The following HERC3 variants were observed in gnomAD, a reference collection of about 807,000 sequenced individuals.
HERC3 encodes probable E3 ubiquitin-protein ligase HERC3.
Under a neutral mutation model 129.9 loss-of-function variants are expected in HERC3, and 58 were observed. The ratio of observed to expected loss-of-function variants is 0.45; its 90% CI spans 0.36 to 0.56. The LOEUF (loss-of-function observed/expected upper bound fraction) is 0.56. Among genes scored for constraint, HERC3 ranks in the 20% least tolerant of loss-of-function variants. The probability of loss-of-function intolerance (pLI) is 0.00; values close to 1 mark genes in which losing one functional copy is unlikely to be tolerated. For synonymous variants in HERC3, 430 were observed against 451.0 expected, an observed-to-expected ratio of 0.95 and a Z score of 0.59; for missense variants, 835 against 1,244.2, an observed-to-expected ratio of 0.67 and a Z score of 4.95.
rs1284632510 is a variant in HERC3, at chr4:88,592,557, G to A, written c.-105G>A. 1 of 152,352 alleles carries A rather than the reference G, an allele frequency of 6.6e-6. No homozygotes were observed. Among genetic ancestry groups the A allele is most frequent in the African/African-American group, 2.4e-5 (1 of 41,460 alleles). The allele number at this position is 152,352 out of a possible 1,614,324, so 9.4% of individuals were successfully genotyped here. A position where few individuals can be genotyped will look rare whatever the true frequency, so the allele number is the denominator to read the frequency against. The stretch of plus-strand genomic sequence containing the variant: ...TGTGACAGTCGGAGTCCCAAGCTGC[G>A]GTTCGGCTGCTGCCGAGGTGCGCAG... On this transcript the variant is annotated 5_prime_UTR_variant, in exon 1 of 26. Coordinates refer to ENST00000402738, the MANE Select transcript of HERC3 (RefSeq NM_014606.3).
chr4:88,700,896 G>A (rs1301465926), intron 23 of HERC3, among the ~76,000 whole-genome samples: 1 of 152,114 alleles, frequency 6.6e-6, no homozygotes, highest in Non-Finnish European at 1.5e-5. Flanking sequence ...TTTCTCTTAA[G>A]GCCTTCAGCT....
At chr4:88,528,519 G>T in the HERC3 span, among the ~76,000 whole-genome samples, 427 of 152,196 alleles carry the variant, frequency 2.8e-3, 5 homozygotes, top group South Asian at 5.6e-3. Flanking sequence ...CCTTCCCATT[G>T]TCAAATTAGT....
At chr4:88,653,230 T>C in intron 6 of HERC3, 140 bp downstream of exon 6, 1 of 811,854 alleles carries the variant, frequency 1.2e-6, no homozygotes, top group Non-Finnish European at 2.0e-6. Context: ...CATCCTCGTC[T>C]TAGTGGAGAC....
At chr4:88,635,156 A>G (rs1370771300) in intron 3 of HERC3, among the ~76,000 whole-genome samples, 1 of 152,114 alleles carries the variant, frequency 6.6e-6, no homozygotes, top group Non-Finnish European at 1.5e-5. Flanking sequence ...AATGAGATGG[A>G]TGAATTGACA....
At chr4:88,689,997 A>C in intron 23 of HERC3, 1 of 985,368 alleles carries the variant, frequency 1.0e-6, no homozygotes, top group East Asian at 1.1e-4. Context: ...GCTTTGGGGA[A>C]AGTGAGCTAT....
intron 2 of HERC3, among the ~76,000 whole-genome samples, chr4:88,600,948 C>T (rs7665042): frequency 2.6e-5 from 4 of 152,106 alleles, no homozygotes; most frequent in African/African-American, 9.7e-5. Flanking sequence ...AGCAATTGAG[C>T]AAGTTGGGAA....
At chr4:88,526,795 A>T in the HERC3 span, among the ~76,000 whole-genome samples, 5 of 152,318 alleles carry the variant, frequency 3.3e-5, no homozygotes, top group Non-Finnish European at 7.3e-5. Flanking sequence ...GGCCTCCCAA[A>T]GTGCTAGGAT....
intron 16 of HERC3, among the ~76,000 whole-genome samples, chr4:88,672,330 A>G (rs1401045241): frequency 6.6e-6 from 1 of 152,212 alleles, no homozygotes; most frequent in African/African-American, 2.4e-5. Flanking sequence ...GATCTTGAAT[A>G]ACAGATGCTC....
At chr4:88,556,046 C>T in the HERC3 span, among the ~76,000 whole-genome samples, 1 of 152,262 alleles carries the variant, frequency 6.6e-6, no homozygotes, top group Non-Finnish European at 1.5e-5. Context: ...ACGCTGGAAG[C>T]TGTAAAAGTA....
At chr4:88,594,174 T>C (rs1044140755) in intron 1 of HERC3, among the ~76,000 whole-genome samples, 1 of 152,222 alleles carries the variant, frequency 6.6e-6, no homozygotes, top group African/African-American at 2.4e-5. Context: ...GATTTCAGAA[T>C]GTTCCATGTT....
chr4:88,565,029 G>T, the HERC3 span, among the ~76,000 whole-genome samples: 1 of 151,760 alleles, frequency 6.6e-6, no homozygotes, highest in Non-Finnish European at 1.5e-5. Flanking sequence ...CCTTGTGTTT[G>T]TATAGTTTCC....
the HERC3 span, among the ~76,000 whole-genome samples, chr4:88,530,959 C>T: frequency 5.3e-5 from 8 of 152,146 alleles, no homozygotes; most frequent in South Asian, 2.1e-4. Context: ...AAGTGATTCT[C>T]CTGGCCTCAG....
intron 3 of HERC3, among the ~76,000 whole-genome samples, chr4:88,625,730 C>G (rs1035217297): frequency 3.3e-5 from 5 of 152,236 alleles, no homozygotes; most frequent in African/African-American, 1.2e-4. Context: ...CACCTTGTTC[C>G]TGATGAATAG....
At chr4:88,613,018 G>T (rs1310605778) in intron 3 of HERC3, among the ~76,000 whole-genome samples, 1 of 152,076 alleles carries the variant, frequency 6.6e-6, no homozygotes, top group Non-Finnish European at 1.5e-5. Flanking sequence ...TAAATGAATA[G>T]TTCTCCTTTC....
the HERC3 span, among the ~76,000 whole-genome samples, chr4:88,557,846 C>G: frequency 6.6e-6 from 1 of 151,908 alleles, no homozygotes; most frequent in Middle Eastern, 3.2e-3. Context: ...CACCTGAGGT[C>G]AGGAGTTCGA....
intron 7 of HERC3, among the ~76,000 whole-genome samples, chr4:88,654,474 A>C (rs972522531): frequency 1.4e-5 from 2 of 145,714 alleles, no homozygotes; most frequent in African/African-American, 5.0e-5. Flanking sequence ...TATAAATATA[A>C]TGTATATATT....
At chr4:88,592,066 C>T (rs1281452708), upstream of HERC3, among the ~76,000 whole-genome samples, 1 of 152,176 alleles carries the variant, frequency 6.6e-6, no homozygotes, top group African/African-American at 2.4e-5. Flanking sequence ...TTGTCACCCT[C>T]CAGCTTTTTC....
At chr4:88,700,338 T>A (rs898525190) in intron 23 of HERC3, among the ~76,000 whole-genome samples, 8 of 152,098 alleles carry the variant, frequency 5.3e-5, no homozygotes, top group African/African-American at 1.7e-4. Context: ...ATACAGTAAA[T>A]GTACGCTTAA....
chr4:88,529,910 C>CAATA, the HERC3 span, among the ~76,000 whole-genome samples: 1,439 of 152,184 alleles, frequency 9.5e-3, 15 homozygotes, highest in South Asian at 0.033. Context: ...TATTTCAAAA[C>CAATA]TATTGATTCG....
Sources: gnomAD v4.1 joint callset for allele counts (sites outside exome capture counted in the v4.1 genomes callset) on GRCh38, gnomAD v4.1.1 for gene constraint, MANE v1.5 for transcripts, NCBI Gene and HGNC (gene_info 2026-07-23, HGNC 2026-07-21) for gene names.